The following SYT16 variants were observed in gnomAD, a reference collection of about 807,000 sequenced individuals.
The protein encoded by SYT16 is synaptotagmin-16.
A neutral mutation model predicts 61.4 loss-of-function variants in SYT16; 42 were observed. That is an observed-to-expected ratio of 0.68 (90% CI 0.53 to 0.89). The LOEUF (loss-of-function observed/expected upper bound fraction) is 0.89. SYT16 is among the 40% of genes least tolerant of loss of function. The probability of loss-of-function intolerance (pLI) is 0.00; values close to 1 mark genes in which losing one functional copy is unlikely to be tolerated. For missense variants in SYT16, 804 were observed against 807.3 expected, an observed-to-expected ratio of 1.00 and a Z score of 0.05; for synonymous variants, 314 against 302.3, an observed-to-expected ratio of 1.04 and a Z score of -0.40.
chr14:61,820,469 G>GTT (rs71117856), intron 1 of SYT16, among the ~76,000 whole-genome samples: 14,425 of 61,018 alleles, frequency 0.24, 5,724 homozygotes, highest in East Asian at 0.39. Flanking sequence ...CCTCTTCAGA[G>GTT]TTTTTTTTTT....
At chr14:62,054,360 G>GTTGTTTTTTTTTTTTTTTTTTTT (rs1411904235) in intron 3 of SYT16, among the ~76,000 whole-genome samples, 5 of 118,262 alleles carry the variant, frequency 4.2e-5, no homozygotes, top group East Asian at 2.5e-4. Context: ...AGTGAAGTGA[G>GTTGTTTTTTTTTTTTTTTTTTTT]TTTTTTTTTT....
At chr14:61,849,039 A>G (rs899631225) in intron 1 of SYT16, among the ~76,000 whole-genome samples, 5 of 152,178 alleles carry the variant, frequency 3.3e-5, no homozygotes, top group Admixed American at 2.0e-4. Flanking sequence ...GAATCCTGCC[A>G]GGACTGGGTT....
intron 6 of SYT16, among the ~76,000 whole-genome samples, chr14:62,083,601 G>A (rs983560667): frequency 6.6e-6 from 1 of 152,174 alleles, no homozygotes; most frequent in Non-Finnish European, 1.5e-5. Flanking sequence ...TCAAACAGTT[G>A]TAAACGTGCT....
At chr14:61,952,603 C>T (rs1020652148) in intron 1 of SYT16, among the ~76,000 whole-genome samples, 1 of 152,216 alleles carries the variant, frequency 6.6e-6, no homozygotes, top group Non-Finnish European at 1.5e-5. Flanking sequence ...AGATGATGGA[C>T]TTATTTCAAC....
At chr14:61,915,230 G>C (rs1426324984) in intron 1 of SYT16, among the ~76,000 whole-genome samples, 1 of 152,122 alleles carries the variant, frequency 6.6e-6, no homozygotes, top group Non-Finnish European at 1.5e-5. Flanking sequence ...CATGGCTTTA[G>C]ATTTTTGGCC....
intron 1 of SYT16, among the ~76,000 whole-genome samples, chr14:61,943,103 C>T (rs1282581349): frequency 6.6e-6 from 1 of 152,282 alleles, no homozygotes; most frequent in East Asian, 1.9e-4. Flanking sequence ...ACTATAAACA[C>T]CCCTACACAA....
At chr14:61,969,150 A>G (rs190390999) in intron 1 of SYT16, among the ~76,000 whole-genome samples, 20 of 152,356 alleles carry the variant, frequency 1.3e-4, no homozygotes, top group African/African-American at 4.8e-4. Flanking sequence ...TAAATCATAT[A>G]TTAAACCTGC....
At chr14:61,976,364 G>T (rs1301090151) in intron 2 of SYT16, among the ~76,000 whole-genome samples, 1 of 152,182 alleles carries the variant, frequency 6.6e-6, no homozygotes. Flanking sequence ...ATTAAGTAGT[G>T]CCCCAGTGGG....
At chr14:61,888,766 T>C (rs900677034) in intron 1 of SYT16, among the ~76,000 whole-genome samples, 7 of 141,080 alleles carry the variant, frequency 5.0e-5, no homozygotes, top group African/African-American at 1.9e-4. Context: ...AACCTTCAAT[T>C]TGTAAAAAAA....
intron 3 of SYT16, 124 bp downstream of exon 3, chr14:61,996,666 C>A: frequency 8.4e-7 from 1 of 1,190,806 alleles, no homozygotes; most frequent in Non-Finnish European, 1.2e-6. Context: ...TTCCCACATA[C>A]TGGCTTCTGA....
chr14:61,822,784 TAAA>T (rs1193450576), intron 1 of SYT16, among the ~76,000 whole-genome samples: 2 of 152,184 alleles, frequency 1.3e-5, no homozygotes, highest in East Asian at 1.9e-4. Context: ...TTGGAAAAAT[TAAA>T]AAACACAGGA....
intron 3 of SYT16, among the ~76,000 whole-genome samples, chr14:62,052,808 C>T (rs2140894415): frequency 6.6e-6 from 1 of 152,262 alleles, no homozygotes; most frequent in African/African-American, 2.4e-5. Flanking sequence ...CTGTCTGCAG[C>T]CTAGAAGAGG....
rs571639165 is a variant in SYT16, at chr14:61,877,288, G to A, written c.-325+64478G>A. Among the ~76,000 whole-genome samples, 26 of 152,236 alleles carry A rather than the reference G, an allele frequency of 1.7e-4. No individual in the cohort carries two copies. The South Asian group carries it at 2.3e-3, about 13-fold the overall frequency. On this transcript the variant is annotated intron_variant, in intron 1 of 7. Transcript: ENST00000683842. Reference sequence around the variant, plus strand: ...TTGGCATTCTTGTCTGCACCTCAGGGAGGGAAGGTTGTCACACACACACTC... The same window carrying A: ...TTGGCATTCTTGTCTGCACCTCAGGAAGGGAAGGTTGTCACACACACACTC...
At chr14:61,914,482 G>C (rs967714276) in intron 1 of SYT16, among the ~76,000 whole-genome samples, 1 of 152,100 alleles carries the variant, frequency 6.6e-6, no homozygotes, top group African/African-American at 2.4e-5. Context: ...TTTCACTTAA[G>C]TGTCCAGTAG....
intron 3 of SYT16, among the ~76,000 whole-genome samples, chr14:62,022,894 T>A (rs899916016): frequency 2.0e-5 from 3 of 152,138 alleles, no homozygotes; most frequent in African/African-American, 7.2e-5. Context: ...GATTTTCCAT[T>A]TGAGTCCCCT....
intron 1 of SYT16, among the ~76,000 whole-genome samples, chr14:61,857,306 G>T (rs919150027): frequency 6.6e-6 from 1 of 152,250 alleles, no homozygotes; most frequent in Non-Finnish European, 1.5e-5. Flanking sequence ...GCAAGCTCTT[G>T]TGGGAGAAAC....
intron 2 of SYT16, among the ~76,000 whole-genome samples, chr14:61,980,697 T>A (rs1265256534): frequency 6.6e-6 from 1 of 152,116 alleles, no homozygotes; most frequent in Non-Finnish European, 1.5e-5. Flanking sequence ...CTCTTAGAAA[T>A]TACATGCTTT....
intron 1 of SYT16, among the ~76,000 whole-genome samples, chr14:61,831,055 G>C (rs2140234228): frequency 6.6e-6 from 1 of 152,338 alleles, no homozygotes; most frequent in South Asian, 2.1e-4. Flanking sequence ...TTCTCAACTG[G>C]AGATAATTTT....
intron 1 of SYT16, among the ~76,000 whole-genome samples, chr14:61,898,004 A>G (rs927350463): frequency 1.3e-5 from 2 of 152,132 alleles, no homozygotes; most frequent in Non-Finnish European, 2.9e-5. Flanking sequence ...CCAAGTTCCA[A>G]TTTTGTCTTA....
Sources: allele counts gnomAD v4.1 joint callset (sites outside exome capture counted in the v4.1 genomes callset), GRCh38; gene constraint gnomAD v4.1.1; transcripts MANE v1.5; gene names NCBI Gene and HGNC (gene_info 2026-07-23, HGNC 2026-07-21).